The following MAGI2 variants were observed in gnomAD, a reference collection of about 807,000 sequenced individuals.
MAGI2 encodes membrane associated guanylate kinase, WW and PDZ domain containing 2.
In MAGI2, 35 loss-of-function variants were observed where a neutral mutation model predicts 133.3. The ratio of observed to expected loss-of-function variants is 0.26; its 90% CI spans 0.20 to 0.35. The LOEUF is 0.35. MAGI2 is among the 10% of genes least tolerant of loss of function. The pLI is 1.00. For missense variants in MAGI2, 1,636 were observed against 1,863.4 expected (o/e 0.88, Z 2.25); for synonymous variants, 729 against 710.6 (o/e 1.03, Z -0.41).
chr7:78,375,593 A>T (rs1300426082), intron 6 of MAGI2, among the ~76,000 whole-genome samples: 2 of 152,144 alleles, frequency 1.3e-5, no homozygotes, highest in African/African-American at 4.8e-5. Context: ...AAAAAAAACA[A>T]AATTTGAGGT....
chr7:78,296,744 G>C (rs921828412), intron 9 of MAGI2, among the ~76,000 whole-genome samples: 3 of 152,144 alleles, frequency 2.0e-5, no homozygotes, highest in African/African-American at 7.2e-5. Flanking sequence ...AAGCATCAGA[G>C]GGAAACTTAC....
intron 3 of MAGI2, among the ~76,000 whole-genome samples, chr7:78,573,302 TTATATATATAAATATATAAA>T (rs1209149698): frequency 6.3e-4 from 22 of 34,852 alleles, no homozygotes; most frequent in Non-Finnish European, 8.7e-4. Context: ...ATATATATAT[TTATATATATAAATATATAAA>T]TATATATATA....
At chr7:78,975,256 C>T (rs1408958599) in intron 2 of MAGI2, among the ~76,000 whole-genome samples, 2 of 151,700 alleles carry the variant, frequency 1.3e-5, no homozygotes, top group African/African-American at 2.4e-5. Context: ...CTGGAACAGT[C>T]ATCAAGATAG....
chr7:78,898,216 C>A (rs1797355167), intron 2 of MAGI2, among the ~76,000 whole-genome samples: 2 of 126,050 alleles, frequency 1.6e-5, no homozygotes, highest in Admixed American at 1.7e-4. Context: ...AGAAAAGGAA[C>A]TCTTATATAC....
intron 2 of MAGI2, among the ~76,000 whole-genome samples, chr7:78,833,342 C>G (rs1791351906): frequency 6.6e-6 from 1 of 152,234 alleles, no homozygotes; most frequent in East Asian, 1.9e-4. Flanking sequence ...CTAAACTATC[C>G]CTGCCCTCAC....
chr7:78,870,775 T>C (rs1015984021), intron 2 of MAGI2, among the ~76,000 whole-genome samples: 14 of 152,074 alleles, frequency 9.2e-5, no homozygotes, highest in African/African-American at 2.9e-4. Context: ...CAATTCACAA[T>C]TGCAAAAATA....
At chr7:78,980,249 T>C (rs1386789066) in intron 2 of MAGI2, among the ~76,000 whole-genome samples, 2 of 151,880 alleles carry the variant, frequency 1.3e-5, no homozygotes, top group African/African-American at 2.4e-5. Flanking sequence ...GGTAAAGTGT[T>C]TGTACATTAT....
At chr7:78,224,134 T>C (rs1297609089) in intron 10 of MAGI2, among the ~76,000 whole-genome samples, 1 of 152,194 alleles carries the variant, frequency 6.6e-6, no homozygotes, top group Non-Finnish European at 1.5e-5. Context: ...TTTGTTCAGT[T>C]GGCATTTTTG....
chr7:78,268,783 A>C (rs1442885729), intron 9 of MAGI2, among the ~76,000 whole-genome samples: 1 of 152,134 alleles, frequency 6.6e-6, no homozygotes, highest in African/African-American at 2.4e-5. Flanking sequence ...CATAATGTAA[A>C]CATAGATTAT....
intron 10 of MAGI2, among the ~76,000 whole-genome samples, chr7:78,219,150 C>T (rs1207154745): frequency 2.6e-5 from 4 of 152,100 alleles, no homozygotes; most frequent in African/African-American, 9.7e-5. Context: ...ACTCCTGAGT[C>T]CTTATTTTCT....
intron 1 of MAGI2, among the ~76,000 whole-genome samples, chr7:79,112,092 G>A (rs925634140): frequency 1.3e-5 from 2 of 151,780 alleles, no homozygotes; most frequent in Non-Finnish European, 2.9e-5. Context: ...ATAGTAACTT[G>A]TAATCTATGA....
intron 1 of MAGI2, among the ~76,000 whole-genome samples, chr7:79,401,507 A>T (rs756075660): frequency 2.0e-5 from 3 of 152,128 alleles, no homozygotes; most frequent in Non-Finnish European, 4.4e-5. Context: ...TTATTTGTTG[A>T]CTTTTAATTA....
At chr7:78,124,673 C>G (rs1820791032) in intron 20 of MAGI2, among the ~76,000 whole-genome samples, 1 of 151,708 alleles carries the variant, frequency 6.6e-6, no homozygotes, top group South Asian at 2.1e-4. Flanking sequence ...AGATTTTATT[C>G]ATACACCGAC....
At chr7:79,179,128 C>T (rs1377125167) in intron 1 of MAGI2, among the ~76,000 whole-genome samples, 1 of 151,884 alleles carries the variant, frequency 6.6e-6, no homozygotes, top group Non-Finnish European at 1.5e-5. Context: ...AAATGCACCA[C>T]ATATATATAT....
intron 1 of MAGI2, among the ~76,000 whole-genome samples, chr7:79,169,561 C>A (rs561089270): frequency 6.6e-6 from 1 of 152,232 alleles, no homozygotes; most frequent in African/African-American, 2.4e-5. Flanking sequence ...ACACGCTCAG[C>A]CACCAGGGCA....
At chr7:78,897,339 T>C (rs1434930995) in intron 2 of MAGI2, among the ~76,000 whole-genome samples, 1 of 152,176 alleles carries the variant, frequency 6.6e-6, no homozygotes, top group Non-Finnish European at 1.5e-5. Context: ...CTGATGGCAC[T>C]CATACCTGTG....
chr7:78,063,787 T>TA (rs1308319168), intron 21 of MAGI2, among the ~76,000 whole-genome samples: 2 of 152,206 alleles, frequency 1.3e-5, no homozygotes, highest in Non-Finnish European at 2.9e-5. Flanking sequence ...TTTGGGTTCT[T>TA]ATCACCCTTT....
chr7:78,125,601 C>G (rs1008379851), intron 20 of MAGI2, 93 bp downstream of exon 20: 1 of 1,360,014 alleles, frequency 7.4e-7, no homozygotes, highest in Non-Finnish European at 1.0e-6. Flanking sequence ...CCTACAGCAA[C>G]CCCGCTTGAC....
chr7:78,894,095 A>G (rs944690855), intron 2 of MAGI2, among the ~76,000 whole-genome samples: 1 of 152,190 alleles, frequency 6.6e-6, no homozygotes, highest in Admixed American at 6.5e-5. Flanking sequence ...AAGTAACCAG[A>G]TGATTTTTAA....
Sources: gnomAD v4.1 joint callset for allele counts (sites outside exome capture counted in the v4.1 genomes callset) on GRCh38, gnomAD v4.1.1 for gene constraint, MANE v1.5 for transcripts, NCBI Gene and HGNC (gene_info 2026-07-23, HGNC 2026-07-21) for gene names.